HMBOX1: variants seen among roughly 807,000 people sequenced by gnomAD.
HMBOX1 encodes homeobox-containing protein 1.
HMBOX1 carries 14 observed loss-of-function variants against 54.5 expected under a neutral mutation model. The ratio of observed to expected loss-of-function variants is 0.26; its 90% CI spans 0.17 to 0.40. HMBOX1 has a LOEUF of 0.40. HMBOX1 is among the 10% of genes least tolerant of loss of function. The pLI, the probability that HMBOX1 is intolerant of heterozygous loss-of-function variation, is 1.00. For missense variants in HMBOX1, 332 were observed against 514.4 expected, an observed-to-expected ratio of 0.65 and a Z score of 3.43; for synonymous variants, 160 against 181.0, an observed-to-expected ratio of 0.88 and a Z score of 0.93.
At chr8:28,973,807 T>G (rs1827865326) in intron 3 of HMBOX1, among the ~76,000 whole-genome samples, 1 of 7,392 alleles carries the variant, frequency 1.4e-4, no homozygotes, top group Non-Finnish European at 2.5e-4. Flanking sequence ...AATGGAGTTT[T>G]TTTTTTTTTT....
At chr8:28,985,511 TAAGTTGTAAATGC>T (rs1177822751) in intron 4 of HMBOX1, among the ~76,000 whole-genome samples, 1 of 152,238 alleles carries the variant, frequency 6.6e-6, no homozygotes, top group African/African-American at 2.4e-5. Context: ...ATTCTGTTTT[TAAGTTGTAAATGC>T]ATTTTATCAG....
At chr8:28,990,000 G>A (rs577527656) in intron 4 of HMBOX1, among the ~76,000 whole-genome samples, 1 of 152,106 alleles carries the variant, frequency 6.6e-6, no homozygotes, top group Admixed American at 6.5e-5. Context: ...CCGCTTCCTT[G>A]TTTCTTGTAT....
In HMBOX1 at chr8:28,970,085, T is replaced by C. The variant is rs956980590; in HGVS notation, c.66T>C (p.Phe22=). ...CTCATTATACAGATGAACCCAGATTTACCATAGAGCAGATAGATCTGCTTC... is the reference window on the plus strand; with the variant it reads ...CTCATTATACAGATGAACCCAGATTCACCATAGAGCAGATAGATCTGCTTC... ...TMSHYTDEPR[F]TIEQIDLLQR... Residue 22 remains phenylalanine, a synonymous_variant, in exon 3 of 10, where the codon TTT becomes TTC. Coordinates refer to ENST00000287701, the MANE Select transcript of HMBOX1 (RefSeq NM_001135726.3). The surrounding 1 kb of genome is among the most constrained non-coding windows in gnomAD (Gnocchi z 4.3). The C allele has an allele frequency of 4.3e-6, 7 of 1,613,900 alleles. No individual in the cohort carries two copies. Among genetic ancestry groups the C allele is most frequent in the African/African-American group, 1.3e-5 (1 of 75,028 alleles).
intron 1 of HMBOX1, among the ~76,000 whole-genome samples, chr8:28,898,424 C>T (rs775016666): frequency 3.3e-5 from 5 of 151,902 alleles, no homozygotes; most frequent in Non-Finnish European, 5.9e-5. Flanking sequence ...TCTTGGTGTA[C>T]GTACTAAAAA....
intron 3 of HMBOX1, among the ~76,000 whole-genome samples, chr8:28,978,723 C>G (rs976908323): frequency 7.3e-6 from 1 of 136,860 alleles, no homozygotes; most frequent in Non-Finnish European, 1.5e-5. Context: ...GTAGGTGGAG[C>G]TTGCAGTGAG....
In HMBOX1 at chr8:29,047,404, T is replaced by C; in HGVS notation, c.981T>C (p.Tyr327=). ...AAAGAGTTACCTCCCTGAAAGTATA[T>C]AATTGGTTTGCTAACAGAAGGAAGG... is the stretch of plus-strand genomic sequence containing the variant. ...DLERVTSLKV[Y]NWFANRRKEI... The change falls in exon 8 of 10, where the codon TAT becomes TAC. Residue 327 remains tyrosine (Y), a synonymous_variant. Coordinates refer to ENST00000287701, the MANE Select transcript of HMBOX1 (RefSeq NM_001135726.3). The C allele has an allele frequency of 1.2e-6, 2 of 1,611,192 alleles. No homozygotes were observed. Among genetic ancestry groups the C allele is most frequent in the Non-Finnish European group, 1.7e-6 (2 of 1,177,414 alleles).
chr8:29,049,071 G>A (rs746611390), intron 9 of HMBOX1, 23 bp downstream of exon 9: 6 of 1,602,024 alleles, frequency 3.7e-6, no homozygotes, highest in South Asian at 1.1e-5. Context: ...GCAGCTGGGC[G>A]AGGTTCTTGG....
At chr8:28,996,670 A>T (rs577414302) in intron 4 of HMBOX1, among the ~76,000 whole-genome samples, 1 of 152,238 alleles carries the variant, frequency 6.6e-6, no homozygotes, top group Non-Finnish European at 1.5e-5. Context: ...CATAGCTAAG[A>T]AAACGCCTAT....
intron 6 of HMBOX1, among the ~76,000 whole-genome samples, chr8:29,038,859 T>C (rs1244942331): frequency 6.6e-6 from 1 of 152,206 alleles, no homozygotes; most frequent in Non-Finnish European, 1.5e-5. Context: ...GTTAACTCCA[T>C]ACCCTTTAAA....
chr8:28,916,858 CAGG>C (rs1023077049), intron 1 of HMBOX1, among the ~76,000 whole-genome samples: 1 of 151,886 alleles, frequency 6.6e-6, no homozygotes, highest in African/African-American at 2.4e-5. Context: ...AGCTTGAGCC[CAGG>C]AGTTCAAGAC....
chr8:29,021,556 A>T (rs1218346422), intron 6 of HMBOX1, among the ~76,000 whole-genome samples: 1 of 152,096 alleles, frequency 6.6e-6, no homozygotes, highest in Admixed American at 6.5e-5. Context: ...CCTTGAACAT[A>T]TGAAAATATG....
At chr8:29,010,090 G>A (rs1834032903) in intron 5 of HMBOX1, 1 of 982,216 alleles carries the variant, frequency 1.0e-6, no homozygotes, top group Non-Finnish European at 1.2e-6. Context: ...CTAAAGGTCA[G>A]TTTCTCAATC....
intron 1 of HMBOX1, among the ~76,000 whole-genome samples, chr8:28,893,458 C>A (rs1811439809): frequency 1.3e-5 from 2 of 152,164 alleles, no homozygotes; most frequent in African/African-American, 4.8e-5. Context: ...TTTAACTAAT[C>A]TGTTGCTAGT....
intron 6 of HMBOX1, among the ~76,000 whole-genome samples, chr8:29,044,292 C>A (rs191082627): frequency 2.0e-5 from 3 of 152,184 alleles, no homozygotes; most frequent in Admixed American, 6.5e-5. Context: ...ATGGTAGGTG[C>A]TAGAATTTGA....
chr8:29,012,537 AAC>A (rs1048090266), intron 5 of HMBOX1, among the ~76,000 whole-genome samples: 1 of 152,212 alleles, frequency 6.6e-6, no homozygotes, highest in African/African-American at 2.4e-5. Context: ...TATGTAGGGG[AAC>A]ACACACACAT....
intron 5 of HMBOX1, among the ~76,000 whole-genome samples, chr8:29,013,567 C>T (rs867457214): frequency 6.6e-6 from 1 of 152,108 alleles, no homozygotes; most frequent in Non-Finnish European, 1.5e-5. Flanking sequence ...ACTGATAACC[C>T]GATTGATATA....
intron 1 of HMBOX1, among the ~76,000 whole-genome samples, chr8:28,954,698 C>G (rs1372542389): frequency 6.6e-6 from 1 of 152,162 alleles, no homozygotes; most frequent in East Asian, 1.9e-4. Flanking sequence ...TGTATATACT[C>G]TGTCACAACA....
intron 4 of HMBOX1, among the ~76,000 whole-genome samples, chr8:28,984,348 A>G (rs554825189): frequency 1.5e-4 from 23 of 152,244 alleles, no homozygotes; most frequent in Admixed American, 3.3e-4. Flanking sequence ...CGAGTGGTGC[A>G]TAACAAAAGA....
chr8:28,907,631 T>C (rs151312065), intron 1 of HMBOX1, among the ~76,000 whole-genome samples: 1 of 152,308 alleles, frequency 6.6e-6, no homozygotes, highest in Non-Finnish European at 1.5e-5. Context: ...CCTACAGGCA[T>C]CTCAGCATGT....
Sources: gnomAD v4.1 joint callset for allele counts (sites outside exome capture counted in the v4.1 genomes callset) on GRCh38, gnomAD v4.1.1 for gene constraint, Gnocchi (gnomAD v3.1) non-coding constraint, MANE v1.5 for transcripts, NCBI Gene and HGNC (gene_info 2026-07-23, HGNC 2026-07-21) for gene names.